The following SERINC2 variants were observed in gnomAD, a reference collection of about 807,000 sequenced individuals.
The protein encoded by SERINC2 is tumor differentially expressed protein 2.
In SERINC2, 56 loss-of-function variants were observed where a neutral mutation model predicts 54.2. The ratio of observed to expected loss-of-function variants is 1.03; its 90% CI spans 0.83 to 1.29. SERINC2 has a LOEUF of 1.29. SERINC2 is among the 50% of genes most tolerant of loss of function. SERINC2 has a pLI of 0.00. For synonymous variants in SERINC2, 272 were observed against 253.1 expected, an observed-to-expected ratio of 1.07 and a Z score of -0.71; for missense variants, 614 against 607.4, an observed-to-expected ratio of 1.01 and a Z score of -0.12.
At chr1:31,432,075 C>T (rs112385787) in intron 8 of SERINC2, among the ~76,000 whole-genome samples, 2,387 of 12,196 alleles carry the variant, frequency 0.2, 40 homozygotes, top group East Asian at 0.26. Context: ...ACAGGGTGGA[C>T]AGGGTGGTTA....
rs556236898 is a variant in SERINC2 at position 31,434,670 on chromosome 1, C to T, written c.*471C>T. 10 of 175,006 alleles carry T rather than the reference C, an allele frequency of 5.7e-5. No individual in the cohort carries two copies. The highest frequency in any genetic ancestry group is 9.4e-5 in the African/African-American group (4 of 42,442). The allele number at this position is 175,006 out of a possible 1,614,324, so 10.8% of individuals were successfully genotyped here. On this transcript the variant is annotated 3_prime_UTR_variant, in exon 10 of 10. Coordinates refer to ENST00000373709, the MANE Select transcript of SERINC2 (RefSeq NM_178865.5). The stretch of plus-strand genomic sequence containing the variant: ...ACTTTTTCTAATAAACAAGCCAGTG[C>T]GTGTACCATGTTCTGTGCCCCTCAC...
chr1:31,415,719 C>T (rs935701597), intron 1 of SERINC2, among the ~76,000 whole-genome samples: 2 of 152,206 alleles, frequency 1.3e-5, no homozygotes, highest in Admixed American at 6.5e-5. Context: ...GACACCAGTA[C>T]CATCCTGTTG....
At chr1:31,412,000 CAAAAAAAAAA>C (rs11368197), upstream of SERINC2, among the ~76,000 whole-genome samples, 17 of 44,520 alleles carry the variant, frequency 3.8e-4, no homozygotes, top group Admixed American at 1.2e-3. Flanking sequence ...GACCCTGTCT[CAAAAAAAAAA>C]AAAAAAAAAA....
chr1:31,421,054 A>G (rs1640892376), intron 1 of SERINC2, among the ~76,000 whole-genome samples: 1 of 152,174 alleles, frequency 6.6e-6, no homozygotes, highest in African/African-American at 2.4e-5. Flanking sequence ...GAACTGGGCC[A>G]CACAGCAGGA....
At chr1:31,421,744 C>T (rs1392534696) in intron 1 of SERINC2, among the ~76,000 whole-genome samples, 1 of 152,212 alleles carries the variant, frequency 6.6e-6, no homozygotes, top group Non-Finnish European at 1.5e-5. Flanking sequence ...AGTGGGTGCC[C>T]ACCGCTCTTA....
intron 8 of SERINC2, 77 bp from the exon 9 acceptor site, chr1:31,432,890 C>G (rs1212059574): frequency 8.2e-7 from 1 of 1,216,036 alleles, no homozygotes. Flanking sequence ...GCCTCTGAGG[C>G]TCTGGGACCA....
intron 8 of SERINC2, among the ~76,000 whole-genome samples, chr1:31,432,094 AGGGTGGACAGGGTGGATAGGGTGGT>A: frequency 7.9e-6 from 1 of 125,968 alleles, no homozygotes; most frequent in African/African-American, 3.3e-5. Context: ...TAGGGTGGAC[AGGGTGGACAGGGTGGATAGGGTGGT>A]TAGGGTGGAT....
Position 31,433,038 on chromosome 1 carries a change from C to G in SERINC2, c.1085C>G (p.Ala362Gly). The G allele has an allele frequency of 1.3e-6, 2 of 1,525,402 alleles. No individual in the cohort carries two copies. Among genetic ancestry groups the G allele is most frequent in the Non-Finnish European group, 1.8e-6 (2 of 1,139,500 alleles). The allele number at this position is 1,525,402 out of a possible 1,614,324, so 94.5% of individuals were successfully genotyped here. ...QTEECPPMLDATQQQQQVAAC... is the reference protein window; with the variant it reads ...QTEECPPMLDGTQQQQQVAAC... ...GAGGAGTGCCCACCTATGCTAGACGCCACACAGCAGCAGCAGCAGGTGGCA... is the reference window on the plus strand; with the variant it reads ...GAGGAGTGCCCACCTATGCTAGACGGCACACAGCAGCAGCAGCAGGTGGCA... The change falls in exon 9 of 10, where the codon GCC becomes GGC. Residue 362 changes from alanine (A) to glycine (G), a missense_variant. Coordinates refer to ENST00000373709, the MANE Select transcript of SERINC2 (RefSeq NM_178865.5).
rs3211019 is a variant in SERINC2 at position 31,424,735 on chromosome 1, A to G, written c.254A>G (p.His85Arg). The part of the protein sequence containing the change: ...GAGIPTVLQG[H>R]IDCGSLLGYR... ...GGGATCCCCACCGTCCTGCAGGGCCACATCGACTGTGGCTCCCTGCTTGGC... is the reference window on the plus strand; with the variant it reads ...GGGATCCCCACCGTCCTGCAGGGCCGCATCGACTGTGGCTCCCTGCTTGGC... The change falls in exon 3 of 10, where the codon CAC (histidine) becomes CGC (arginine). Residue 85 changes from histidine (H) to arginine (R), a missense_variant. His to Arg is a conservative substitution (Grantham distance 29, BLOSUM62 0). Transcript: ENST00000373709. 1 of 1,610,210 alleles carries G rather than the reference A, an allele frequency of 6.2e-7. No individual in the cohort carries two copies.
chr1:31,433,886 G>A (rs1007071484), intron 9 of SERINC2, among the ~76,000 whole-genome samples, 178 bp from the exon 10 acceptor site: 1 of 152,176 alleles, frequency 6.6e-6, no homozygotes, highest in Non-Finnish European at 1.5e-5. Flanking sequence ...GGGAATCGAG[G>A]TCAGGAGCTA....
intron 1 of SERINC2, among the ~76,000 whole-genome samples, chr1:31,419,744 G>A (rs782318108): frequency 5.3e-5 from 8 of 152,084 alleles, no homozygotes; most frequent in African/African-American, 9.7e-5. Context: ...TAGGAGGATC[G>A]CTTGAGCCCA....
At chr1:31,409,807 G>C, upstream of SERINC2, 1 of 1,552,898 alleles carries the variant, frequency 6.4e-7, no homozygotes, top group South Asian at 1.2e-5. Flanking sequence ...AGGGATAGGA[G>C]GGCTCAAAGC....
intron 8 of SERINC2, among the ~76,000 whole-genome samples, chr1:31,432,461 C>G (rs1641333285): frequency 6.6e-6 from 1 of 151,952 alleles, no homozygotes; most frequent in South Asian, 2.1e-4. Flanking sequence ...AAAGGGAGGC[C>G]ATTGGTAAAA....
At position 31,433,992 on chromosome 1, in the gene SERINC2, C is replaced by CAT. The variant is rs1303287774; in HGVS notation, c.1233-70_1233-69dup. 4.6e-6 allele frequency: 7 copies of CAT among 1,515,496 alleles called. No homozygotes were observed. In the African/African-American group the frequency reaches 9.6e-5, roughly 21 times the overall value. 93.9% of individuals were successfully genotyped at this position (1,515,496 alleles called of 1,614,324 possible). ...TTGAAGTCAGGGGTCATAACTGGGA[C>CAT]ATAAGGCCAGGGGCCAAGATGGAAG... On this transcript the variant is annotated intron_variant, in intron 9 of 9. Transcript: ENST00000373709.
At chr1:31,417,190 C>T (rs1289917708) in intron 1 of SERINC2, among the ~76,000 whole-genome samples, 1 of 152,220 alleles carries the variant, frequency 6.6e-6, no homozygotes, top group Non-Finnish European at 1.5e-5. Flanking sequence ...TTACTGACAA[C>T]AGCCCCTGAC....
chr1:31,427,513 CTG>C (rs1328985457), intron 6 of SERINC2, among the ~76,000 whole-genome samples: 2 of 152,192 alleles, frequency 1.3e-5, no homozygotes, highest in Non-Finnish European at 2.9e-5. Flanking sequence ...AAGGCGATGT[CTG>C]TGTCCCAGGT....
chr1:31,430,299 G>A (rs897734349), intron 8 of SERINC2, among the ~76,000 whole-genome samples: 1 of 149,138 alleles, frequency 6.7e-6, no homozygotes. Flanking sequence ...GGATCTCTTG[G>A]GCCCAGGAGA....
At chr1:31,410,524 A>G, upstream of SERINC2, 1 of 1,511,620 alleles carries the variant, frequency 6.6e-7, no homozygotes, top group Middle Eastern at 2.2e-4. Flanking sequence ...GCAGCATATT[A>G]CCTTGCTCTG....
At chr1:31,412,039 T>C (rs1336559103), upstream of SERINC2, among the ~76,000 whole-genome samples, 15 of 145,156 alleles carry the variant, frequency 1.0e-4, no homozygotes, top group African/African-American at 3.8e-4. Context: ...AGGAGGGCAT[T>C]GTGTGGGCAA....
Sources: allele counts gnomAD v4.1 joint callset (sites outside exome capture counted in the v4.1 genomes callset), GRCh38; gene constraint gnomAD v4.1.1; transcripts MANE v1.5; gene names NCBI Gene and HGNC (gene_info 2026-07-23, HGNC 2026-07-21).